Variants in C11orf65 observed in about 807,000 individuals in gnomAD.
C11orf65 encodes protein MFI.
In C11orf65, 38 loss-of-function variants were observed where a neutral mutation model predicts 35.3. That is an observed-to-expected ratio of 1.08 (90% CI 0.83 to 1.41). The LOEUF (loss-of-function observed/expected upper bound fraction) is 1.41, where lower values mean the gene tolerates loss of function less well. Ranked by LOEUF, C11orf65 falls within the 40% of genes most tolerant of loss-of-function variation. The pLI, the probability that C11orf65 is intolerant of heterozygous loss-of-function variation, is 0.00. For synonymous variants in C11orf65, 105 were observed against 114.4 expected, an observed-to-expected ratio of 0.92 and a Z score of 0.53; for missense variants, 370 against 367.1, an observed-to-expected ratio of 1.01 and a Z score of -0.06.
intron 6 of C11orf65, among the ~76,000 whole-genome samples, chr11:108,399,313 T>A (rs548566945): frequency 1.3e-5 from 2 of 152,272 alleles, no homozygotes; most frequent in East Asian, 3.9e-4. Flanking sequence ...ATTTTCCAAT[T>A]TTATTCTTTG....
At chr11:108,434,356 T>G (rs1387086377) in intron 2 of C11orf65, among the ~76,000 whole-genome samples, 3 of 151,800 alleles carry the variant, frequency 2.0e-5, no homozygotes, top group African/African-American at 7.3e-5. Flanking sequence ...AATACAAAAA[T>G]TAGCTGGGCA....
intron 3 of C11orf65, among the ~76,000 whole-genome samples, chr11:108,424,796 T>C (rs2092876242): frequency 6.6e-6 from 1 of 151,958 alleles, no homozygotes; most frequent in Admixed American, 6.6e-5. Context: ...AGAATGGAAA[T>C]CCTACCAGTC....
At chr11:108,365,789 G>A (rs1352686819) in intron 2 of C11orf65, 7 of 421,794 alleles carry the variant, frequency 1.7e-5, no homozygotes, top group Admixed American at 3.8e-5. Flanking sequence ...CGAGGTGAGC[G>A]GATCACAAGG....
downstream of C11orf65, among the ~76,000 whole-genome samples, chr11:108,328,678 A>G (rs1186447850): frequency 6.6e-6 from 1 of 152,208 alleles, no homozygotes; most frequent in Non-Finnish European, 1.5e-5. Context: ...GGGCTGTCCA[A>G]TCTTTTGGCT....
rs1351192959 is a variant in C11orf65 at position 108,407,484 on chromosome 11, T to C, written c.175-335A>G. Among the ~76,000 whole-genome samples, 3 of 107,000 alleles carry C rather than the reference T, an allele frequency of 2.8e-5. No homozygotes were observed. In the Admixed American group the frequency reaches 3.3e-4, roughly 12 times the overall value. The allele number at this position is 107,000 out of a possible 152,430, so 70.2% of individuals were successfully genotyped here. A position where few individuals can be genotyped will look rare whatever the true frequency, so the allele number is the denominator to read the frequency against. On this transcript the variant is annotated intron_variant, in intron 3 of 8. Coordinates refer to ENST00000393084, the MANE Select transcript of C11orf65 (RefSeq NM_152587.5). ...GCACCACCATGCCTGGCTAATTTTG[T>C]ATTTTTTTTTTTTTTTGTAGAGACA...
intron 2 of C11orf65, among the ~76,000 whole-genome samples, chr11:108,354,074 C>CACACACACACAA (rs944216625): frequency 2.0e-5 from 3 of 146,584 alleles, no homozygotes; most frequent in African/African-American, 7.9e-5. Flanking sequence ...CACACAAACA[C>CACACACACACAA]ACACACACAC....
downstream of C11orf65, among the ~76,000 whole-genome samples, chr11:108,379,450 G>A (rs1239766682): frequency 1.4e-5 from 2 of 141,858 alleles, no homozygotes. Context: ...CACAGGAAGG[G>A]GAACATCACA....
At chr11:108,469,841 A>T (rs1006593784), upstream of C11orf65, among the ~76,000 whole-genome samples, 1 of 152,134 alleles carries the variant, frequency 6.6e-6, no homozygotes, top group African/African-American at 2.4e-5. Flanking sequence ...GTTTACTAAG[A>T]CGCAGAACTC....
intron 6 of C11orf65, among the ~76,000 whole-genome samples, chr11:108,402,278 C>T (rs930748841): frequency 6.6e-6 from 1 of 152,196 alleles, no homozygotes; most frequent in African/African-American, 2.4e-5. Context: ...GGGTTCCCTA[C>T]ACCAACAAGG....
intron 2 of C11orf65, chr11:108,346,664 G>T (rs1357211765): frequency 6.5e-6 from 1 of 154,122 alleles, no homozygotes; most frequent in Non-Finnish European, 1.4e-5. Flanking sequence ...AAGAAAGTAG[G>T]CCTAGTTAAT....
At chr11:108,387,525 T>C (rs982655156) in intron 7 of C11orf65, among the ~76,000 whole-genome samples, 2 of 152,110 alleles carry the variant, frequency 1.3e-5, no homozygotes, top group African/African-American at 2.4e-5. Flanking sequence ...CTTCCAACAG[T>C]ATTTAATACT....
chr11:108,415,524 G>C (rs2092717202), intron 3 of C11orf65, among the ~76,000 whole-genome samples: 1 of 152,108 alleles, frequency 6.6e-6, no homozygotes, highest in African/African-American at 2.4e-5. Flanking sequence ...CAAGATGTCT[G>C]TTCTTCCCAT....
chr11:108,370,604 G>C (rs187896951), intron 2 of C11orf65, among the ~76,000 whole-genome samples: 1 of 148,918 alleles, frequency 6.7e-6, no homozygotes, highest in Non-Finnish European at 1.5e-5. Flanking sequence ...TTTACTGTTT[G>C]CTGCAGGGTT....
At chr11:108,328,700 C>T (rs2085939668), downstream of C11orf65, among the ~76,000 whole-genome samples, 1 of 152,166 alleles carries the variant, frequency 6.6e-6, no homozygotes, top group African/African-American at 2.4e-5. Flanking sequence ...CCCTGGGCCA[C>T]ATTGCAAGAA....
chr11:108,354,684 T>C (rs2089665131), intron 2 of C11orf65: 2 of 863,538 alleles, frequency 2.3e-6, no homozygotes, highest in Admixed American at 3.5e-5. Context: ...TTATGCTATT[T>C]TGAGATACAG....
At chr11:108,380,090 T>G (rs770413066), downstream of C11orf65, among the ~76,000 whole-genome samples, 1 of 152,180 alleles carries the variant, frequency 6.6e-6, no homozygotes, top group African/African-American at 2.4e-5. Flanking sequence ...CAGGCCACAC[T>G]GATGATACTG....
intron 3 of C11orf65, among the ~76,000 whole-genome samples, chr11:108,408,474 A>G (rs4237579): frequency 0.54 from 81,509 of 151,308 alleles, 22,532 homozygotes; most frequent in Middle Eastern, 0.74. Flanking sequence ...CAGGAGTTCC[A>G]AAGCCAGCCT....
chr11:108,400,212 C>T (rs1261109067), intron 6 of C11orf65, among the ~76,000 whole-genome samples: 2 of 152,176 alleles, frequency 1.3e-5, no homozygotes, highest in African/African-American at 4.8e-5. Flanking sequence ...AAGTGTTGTG[C>T]TTCTTCAGGA....
chr11:108,331,373 C>G, downstream of C11orf65: 1 of 1,549,964 alleles, frequency 6.5e-7, no homozygotes, highest in Non-Finnish European at 8.7e-7. Flanking sequence ...CTTAAAATAA[C>G]TTACTTGCTT....
Sources: gnomAD v4.1 joint callset for allele counts (sites outside exome capture counted in the v4.1 genomes callset) on GRCh38, gnomAD v4.1.1 for gene constraint, MANE v1.5 for transcripts, NCBI Gene and HGNC (gene_info 2026-07-23, HGNC 2026-07-21) for gene names.